Variants in FKBP5 observed in about 807,000 individuals in gnomAD.
FKBP5 encodes the protein peptidyl-prolyl cis-trans isomerase FKBP5.
FKBP5 carries 23 observed loss-of-function variants against 50.5 expected under a neutral mutation model. That is an observed-to-expected ratio of 0.46 (90% CI 0.33 to 0.65). The LOEUF (loss-of-function observed/expected upper bound fraction) is 0.65. Among genes scored for constraint, FKBP5 ranks in the 30% least tolerant of loss-of-function variants. FKBP5 has a pLI of 0.02. For missense variants in FKBP5, 411 were observed against 553.1 expected, an observed-to-expected ratio of 0.74 and a Z score of 2.58; for synonymous variants, 176 against 190.6, an observed-to-expected ratio of 0.92 and a Z score of 0.63.
At chr6:35,594,683 C>T (rs1027214360) in intron 6 of FKBP5, among the ~76,000 whole-genome samples, 2 of 152,156 alleles carry the variant, frequency 1.3e-5, no homozygotes, top group African/African-American at 4.8e-5. Flanking sequence ...TACGCACACA[C>T]ATATATAGCA....
intron 1 of FKBP5, among the ~76,000 whole-genome samples, chr6:35,653,936 CTT>C (rs1764880934): frequency 6.6e-6 from 1 of 151,768 alleles, no homozygotes; most frequent in Non-Finnish European, 1.5e-5. Flanking sequence ...AATTTATTGA[CTT>C]AAAAAAAATA....
chr6:35,607,987 AT>A (rs1763377838), intron 5 of FKBP5: 1 of 150,216 alleles, frequency 6.7e-6, no homozygotes. Flanking sequence ...CAGACTTGAA[AT>A]AAAAAAAAAA....
At chr6:35,696,192 G>C (rs903663214) in intron 2 of FKBP5, among the ~76,000 whole-genome samples, 1 of 148,704 alleles carries the variant, frequency 6.7e-6, no homozygotes, top group Admixed American at 6.8e-5. Context: ...TGTATGCAGA[G>C]GTTTTTTAAA....
At chr6:35,683,658 T>TC (rs1581881663) in intron 1 of FKBP5, among the ~76,000 whole-genome samples, 2 of 148,500 alleles carry the variant, frequency 1.3e-5, no homozygotes, top group East Asian at 2.0e-4. Flanking sequence ...TTTTTTTTTT[T>TC]AGTAGAGATG....
At chr6:35,691,456 G>A (rs1347838842), upstream of FKBP5, among the ~76,000 whole-genome samples, 2 of 152,170 alleles carry the variant, frequency 1.3e-5, no homozygotes, top group African/African-American at 4.8e-5. Context: ...CTGTGTGGAC[G>A]TGTCACATGT....
intron 8 of FKBP5, chr6:35,585,904 T>C (rs558714374): frequency 3.0e-6 from 3 of 984,980 alleles, no homozygotes; most frequent in Non-Finnish European, 3.6e-6. Context: ...TACATAATTC[T>C]CTAGTTGTTT....
chr6:35,723,438 G>A lies in FKBP5; in HGVS notation c.-240-2890C>T, dbSNP rs189716239. On this transcript the variant is annotated intron_variant, in intron 1 of 11. Coordinates refer to the FKBP5 transcript ENST00000536438. Reference sequence around the variant, plus strand: ...GGGGCAAGGTGAGGCATAGGGCGTGGAGGTAGGAACAAATGGAAGATGCTT... The same window carrying A: ...GGGGCAAGGTGAGGCATAGGGCGTGAAGGTAGGAACAAATGGAAGATGCTT... Among the ~76,000 whole-genome samples, 514 of 152,222 alleles carry A rather than the reference G, an allele frequency of 3.4e-3. 11 individuals carry two copies. The highest frequency in any genetic ancestry group is 0.02 in the Middle Eastern group (6 of 294).
chr6:35,694,662 C>CAG (rs1395115231), intron 2 of FKBP5, among the ~76,000 whole-genome samples: 1 of 152,148 alleles, frequency 6.6e-6, no homozygotes, highest in Non-Finnish European at 1.5e-5. Flanking sequence ...TCTGATGACT[C>CAG]AGAGCTGGAC....
chr6:35,721,950 G>A (rs972464356), intron 1 of FKBP5, among the ~76,000 whole-genome samples: 1 of 152,074 alleles, frequency 6.6e-6, no homozygotes, highest in African/African-American at 2.4e-5. Flanking sequence ...TTCTTGCCTT[G>A]AGGACTTTGC....
chr6:35,663,110 C>T (rs999518304), intron 1 of FKBP5, among the ~76,000 whole-genome samples: 10 of 152,098 alleles, frequency 6.6e-5, no homozygotes, highest in African/African-American at 2.4e-4. Flanking sequence ...AGCTTAAGTG[C>T]AAAGTGGCTC....
intron 1 of FKBP5, among the ~76,000 whole-genome samples, chr6:35,677,483 G>A (rs942699275): frequency 3.3e-5 from 5 of 152,172 alleles, no homozygotes; most frequent in African/African-American, 1.2e-4. Flanking sequence ...TTTCTCCCAT[G>A]AAAACACTAG....
At chr6:35,701,127 A>G (rs937784566) in intron 2 of FKBP5, among the ~76,000 whole-genome samples, 3 of 152,174 alleles carry the variant, frequency 2.0e-5, no homozygotes, top group African/African-American at 4.8e-5. Flanking sequence ...CTGAAATTCA[A>G]ATTTAACTGG....
At chr6:35,600,181 TAAAC>T (rs1420365090) in intron 5 of FKBP5, among the ~76,000 whole-genome samples, 1 of 152,306 alleles carries the variant, frequency 6.6e-6, no homozygotes, top group Admixed American at 6.5e-5. Flanking sequence ...AATCTGCTGT[TAAAC>T]AAAATGTTAT....
At chr6:35,584,003 C>A (rs77715420) in intron 8 of FKBP5, 16,789 of 985,268 alleles carry the variant, frequency 0.017, 232 homozygotes, top group African/African-American at 0.058. Flanking sequence ...CACAAGGGGG[C>A]GCAAGAATCC....
chr6:35,641,847 T>C (rs1052870440), intron 2 of FKBP5, among the ~76,000 whole-genome samples: 3 of 151,676 alleles, frequency 2.0e-5, no homozygotes, highest in Admixed American at 2.0e-4. Flanking sequence ...TCTACAAAAA[T>C]TAGCGAGGCA....
chr6:35,681,771 C>T (rs1765667006), intron 1 of FKBP5, among the ~76,000 whole-genome samples: 2 of 152,076 alleles, frequency 1.3e-5, no homozygotes, highest in African/African-American at 4.8e-5. Flanking sequence ...ACACATAAAA[C>T]ATATAGCAAC....
At chr6:35,718,666 C>A (rs1252123770) in intron 2 of FKBP5, among the ~76,000 whole-genome samples, 1 of 152,192 alleles carries the variant, frequency 6.6e-6, no homozygotes, top group Non-Finnish European at 1.5e-5. Context: ...ATTCTCCTAT[C>A]CTCAGCACCT....
intron 1 of FKBP5, among the ~76,000 whole-genome samples, chr6:35,645,227 G>A (rs1372167303): frequency 6.6e-6 from 1 of 152,118 alleles, no homozygotes; most frequent in East Asian, 1.9e-4. Context: ...ACAGATTGTG[G>A]AGCACTCTAC....
At chr6:35,698,433 G>A (rs973649802) in intron 2 of FKBP5, among the ~76,000 whole-genome samples, 5 of 151,970 alleles carry the variant, frequency 3.3e-5, no homozygotes, top group African/African-American at 1.2e-4. Flanking sequence ...GATCACCTGA[G>A]GTCAGGAGTT....
Sources: allele counts gnomAD v4.1 joint callset (sites outside exome capture counted in the v4.1 genomes callset), GRCh38; gene constraint gnomAD v4.1.1; transcripts MANE v1.5; gene names NCBI Gene and HGNC (gene_info 2026-07-23, HGNC 2026-07-21).